Variants in GOLGA5 observed in about 807,000 individuals in gnomAD.
The protein encoded by GOLGA5 is golgin A5, also known as golgin subfamily A member 5.
Under a neutral mutation model 93.5 loss-of-function variants are expected in GOLGA5, and 50 were observed. The observed-to-expected ratio is 0.53, with a 90% CI of 0.43 to 0.68. The LOEUF (loss-of-function observed/expected upper bound fraction) is 0.68, where lower values mean the gene tolerates loss of function less well. GOLGA5 is among the 30% of genes least tolerant of loss of function. The pLI is 0.00. For synonymous variants in GOLGA5, 312 were observed against 304.5 expected (o/e 1.02, Z -0.26); for missense variants, 760 against 856.4 (o/e 0.89, Z 1.40).
intron 5 of GOLGA5, among the ~76,000 whole-genome samples, chr14:92,810,909 T>C (rs917916636): frequency 6.6e-6 from 1 of 152,244 alleles, no homozygotes. Flanking sequence ...ATTGACACTT[T>C]GGTTTTAGAA....
intron 2 of GOLGA5, among the ~76,000 whole-genome samples, chr14:92,804,647 A>ATTTC: frequency 6.8e-6 from 1 of 146,170 alleles, no homozygotes; most frequent in African/African-American, 2.6e-5. Flanking sequence ...AAATGTAATA[A>ATTTC]TTTCTTTCTT....
intron 9 of GOLGA5, among the ~76,000 whole-genome samples, chr14:92,832,041 C>T (rs1189167475): frequency 1.3e-5 from 2 of 152,158 alleles, no homozygotes; most frequent in Non-Finnish European, 2.9e-5. Context: ...CCTCATGAAG[C>T]TGACTTACAG....
intron 9 of GOLGA5, among the ~76,000 whole-genome samples, chr14:92,829,238 C>T (rs971888894): frequency 6.6e-6 from 1 of 152,144 alleles, no homozygotes; most frequent in Non-Finnish European, 1.5e-5. Flanking sequence ...GCTGAGATTA[C>T]AGGAGTGAGC....
intron 2 of GOLGA5, among the ~76,000 whole-genome samples, chr14:92,805,877 T>C (rs186615413): frequency 1.3e-5 from 2 of 152,130 alleles, no homozygotes; most frequent in Admixed American, 1.3e-4. Flanking sequence ...TTTAGAGTAA[T>C]TTAAAAGTAT....
At chr14:92,834,354 C>A (rs985513986) in intron 10 of GOLGA5, among the ~76,000 whole-genome samples, 1 of 152,018 alleles carries the variant, frequency 6.6e-6, no homozygotes, top group Non-Finnish European at 1.5e-5. Flanking sequence ...CCTCCTCCCC[C>A]CTCCCCCAGC....
Position 92,816,718 on chromosome 14 carries a change from C to T in GOLGA5, c.1491+297C>T, listed in dbSNP as rs561298174. Among the ~76,000 whole-genome samples the T allele has an allele frequency of 2.6e-5, 4 of 152,228 alleles. No individual in the cohort carries two copies. The East Asian group carries it at 7.7e-4, about 29-fold the overall frequency. ...GTGGAACTACAGGCACATGCCATCA[C>T]GCCCAGCTAATTTTTATATTTTGTA... On this transcript the variant is annotated intron_variant, in intron 7 of 12. Coordinates refer to ENST00000163416, the MANE Select transcript of GOLGA5 (RefSeq NM_005113.4).
At chr14:92,823,687 T>A (rs779778900) in intron 8 of GOLGA5, among the ~76,000 whole-genome samples, 4 of 152,136 alleles carry the variant, frequency 2.6e-5, no homozygotes, top group Non-Finnish European at 5.9e-5. Flanking sequence ...AGTGCTAGAA[T>A]TACAGTTGTG....
At chr14:92,816,559 C>T (rs907217675) in intron 7 of GOLGA5, 138 bp downstream of exon 7, 28 of 553,364 alleles carry the variant, frequency 5.1e-5, no homozygotes, top group Non-Finnish European at 8.2e-5. Context: ...TTCTCTTCCT[C>T]CTCCTCTTCC....
intron 10 of GOLGA5, among the ~76,000 whole-genome samples, chr14:92,834,913 T>C (rs1380622575): frequency 2.0e-5 from 3 of 152,080 alleles, no homozygotes; most frequent in African/African-American, 7.2e-5. Flanking sequence ...CTGAGTGGGA[T>C]TGTGAAGGTG....
rs1282447965 is a variant in GOLGA5, at chr14:92,824,558, A to G, written c.1633A>G (p.Ile545Val). ...CCTCACTTTGCAGGAGTTCCACTAT[A>G]TAGAAGAAGATCTTTATCGAACAAA... is the stretch of plus-strand genomic sequence containing the variant. Reference protein sequence around the residue: ...LERLKQEFHYIEEDLYRTKNT... With the variant: ...LERLKQEFHYVEEDLYRTKNT... Residue 545 changes from isoleucine (I) to valine (V), a missense_variant, in exon 9 of 13, where the codon ATA becomes GTA. Physicochemically the swap from Ile to Val is conservative, Grantham distance 29. Transcript: ENST00000163416. The G allele has an allele frequency of 1.9e-6, 3 of 1,586,796 alleles. No homozygotes were observed. The highest frequency in any genetic ancestry group is 1.7e-5 in the Admixed American group (1 of 58,976).
In GOLGA5 at chr14:92,833,356, A is replaced by C; in HGVS notation, c.1945+9A>C. On this transcript the variant is annotated intron_variant, in intron 10 of 12. Transcript: ENST00000163416. ...AATTGACAATGGTGAAGGTAATCAA[A>C]AAAGGAATCTCAAAAGAACATTTCA... 1 of 1,497,344 alleles carries C rather than the reference A, an allele frequency of 6.7e-7. No individual in the cohort carries two copies. Among genetic ancestry groups the C allele is most frequent in the East Asian group, 2.3e-5 (1 of 44,352 alleles). 92.8% of individuals were successfully genotyped at this position (1,497,344 alleles called of 1,614,324 possible). A position where few individuals can be genotyped will look rare whatever the true frequency, so the allele number is the denominator to read the frequency against.
chr14:92,796,760 G>C (rs1884738002), intron 1 of GOLGA5, among the ~76,000 whole-genome samples: 1 of 133,286 alleles, frequency 7.5e-6, no homozygotes, highest in African/African-American at 3.0e-5. Flanking sequence ...CATGAGGTCA[G>C]GAGATCGAGA....
At chr14:92,834,724 T>C (rs1470356735) in intron 10 of GOLGA5, among the ~76,000 whole-genome samples, 4 of 152,146 alleles carry the variant, frequency 2.6e-5, no homozygotes, top group Non-Finnish European at 5.9e-5. Context: ...TAGGAAGCCA[T>C]TGAAGGATCT....
At chr14:92,815,344 A>G (rs1401339436) in intron 6 of GOLGA5, among the ~76,000 whole-genome samples, 1 of 152,194 alleles carries the variant, frequency 6.6e-6, no homozygotes, top group East Asian at 1.9e-4. Flanking sequence ...AGAACTCTGC[A>G]AGTAATCTGA....
chr14:92,824,175 T>C (rs559499129), intron 8 of GOLGA5, among the ~76,000 whole-genome samples: 2 of 152,328 alleles, frequency 1.3e-5, no homozygotes, highest in African/African-American at 4.8e-5. Flanking sequence ...CTTTATCATA[T>C]ATTTTATGAA....
chr14:92,805,430 G>A (rs925793355), intron 2 of GOLGA5, among the ~76,000 whole-genome samples: 4 of 152,024 alleles, frequency 2.6e-5, no homozygotes, highest in Non-Finnish European at 5.9e-5. Flanking sequence ...TTGGATTATT[G>A]TGAATAAAAC....
At chr14:92,803,996 C>A (rs902082311) in intron 2 of GOLGA5, among the ~76,000 whole-genome samples, 2 of 152,056 alleles carry the variant, frequency 1.3e-5, no homozygotes, top group African/African-American at 4.8e-5. Context: ...TTATGCTGAT[C>A]CTCTCTAGTA....
chr14:92,808,663 GT>G (rs34306917), intron 3 of GOLGA5, among the ~76,000 whole-genome samples: 1,981 of 133,818 alleles, frequency 0.015, 44 homozygotes, highest in African/African-American at 0.051. Flanking sequence ...ATGTTTTTGG[GT>G]TTTTTTTTTT....
chr14:92,823,530 T>C lies in GOLGA5; in HGVS notation c.1621-1016T>C, dbSNP rs11844368. 3.2e-3 allele frequency among the ~76,000 whole-genome samples: 481 copies of C among 151,942 alleles called. 1 individual carries two copies. The highest frequency in any genetic ancestry group is 0.014 in the Middle Eastern group (4 of 294). On this transcript the variant is annotated intron_variant, in intron 8 of 12. Coordinates refer to ENST00000163416, the MANE Select transcript of GOLGA5 (RefSeq NM_005113.4). ...CTCAGGCTCAGGTAATTCTCCCACG[T>C]CAACCTCCTGAGTAGCTGGGATTAC...
Sources: gnomAD v4.1 joint callset for allele counts (sites outside exome capture counted in the v4.1 genomes callset) on GRCh38, gnomAD v4.1.1 for gene constraint, MANE v1.5 for transcripts, NCBI Gene and HGNC (gene_info 2026-07-23, HGNC 2026-07-21) for gene names.